Variants in RAD51B observed in about 807,000 individuals in gnomAD.
RAD51B encodes RAD51 paralog B.
In RAD51B, 38 loss-of-function variants were observed where a neutral mutation model predicts 42.2. The ratio of observed to expected loss-of-function variants is 0.90; its 90% CI spans 0.70 to 1.18. RAD51B has a LOEUF of 1.18. Ranked by LOEUF, RAD51B falls within the 50% of genes most tolerant of loss-of-function variation. RAD51B has a pLI of 0.00. For missense variants in RAD51B, 373 were observed against 400.7 expected, an observed-to-expected ratio of 0.93 and a Z score of 0.59; for synonymous variants, 154 against 145.2, an observed-to-expected ratio of 1.06 and a Z score of -0.43.
chr14:68,087,852 A>T (rs1461213462), intron 7 of RAD51B, among the ~76,000 whole-genome samples: 1 of 119,566 alleles, frequency 8.4e-6, no homozygotes, highest in East Asian at 2.1e-4. Context: ...TAATTATTAT[A>T]TATATAATTA....
chr14:67,902,460 A>G (rs566789296), intron 7 of RAD51B, among the ~76,000 whole-genome samples: 1 of 152,328 alleles, frequency 6.6e-6, no homozygotes, highest in South Asian at 2.1e-4. Context: ...TTCTAAGCTC[A>G]GATAATGCAC....
chr14:68,675,470 C>A (rs530350917), intron 11 of RAD51B, among the ~76,000 whole-genome samples: 4 of 152,286 alleles, frequency 2.6e-5, no homozygotes, highest in Admixed American at 6.5e-5. Flanking sequence ...TGGCCCCCAA[C>A]ACAGTAACAC....
At chr14:68,658,106 A>G (rs1183800225) in intron 11 of RAD51B, among the ~76,000 whole-genome samples, 1 of 152,140 alleles carries the variant, frequency 6.6e-6, no homozygotes, top group Admixed American at 6.5e-5. Flanking sequence ...CCACTGCACA[A>G]CTCCGACAGG....
In RAD51B at chr14:68,504,297, A is replaced by G. The variant is rs189257948; in HGVS notation, c.1036+36047A>G. On this transcript the variant is annotated intron_variant, in intron 10 of 10. Transcript: ENST00000487270. ...AGGGGGATCTGAAGGTCTAGGAAAGAAGGTGGGCAAAACCAAGGAATCAGG... is the reference window on the plus strand; with the variant it reads ...AGGGGGATCTGAAGGTCTAGGAAAGGAGGTGGGCAAAACCAAGGAATCAGG... Among the ~76,000 whole-genome samples, 6 of 152,316 alleles carry G rather than the reference A, an allele frequency of 3.9e-5. No homozygotes were observed. The East Asian group carries it at 1.2e-3, about 29-fold the overall frequency.
At chr14:68,443,613 A>C (rs2085352617) in intron 9 of RAD51B, among the ~76,000 whole-genome samples, 1 of 152,170 alleles carries the variant, frequency 6.6e-6, no homozygotes, top group Admixed American at 6.5e-5. Context: ...TTCCATTTTC[A>C]AATGGAAAAT....
intron 7 of RAD51B, among the ~76,000 whole-genome samples, chr14:67,890,449 T>C (rs1370368018): frequency 6.6e-6 from 1 of 151,778 alleles, no homozygotes; most frequent in African/African-American, 2.4e-5. Flanking sequence ...GACTGTAAAC[T>C]TCTTTTTATT....
intron 7 of RAD51B, among the ~76,000 whole-genome samples, chr14:68,126,972 G>T (rs1460686766): frequency 2.6e-5 from 4 of 152,136 alleles, no homozygotes; most frequent in African/African-American, 9.7e-5. Context: ...GGTATACATA[G>T]AACCTTCCAG....
At chr14:68,272,639 ATATATAT>A (rs2081130960) in intron 7 of RAD51B, among the ~76,000 whole-genome samples, 1 of 10,812 alleles carries the variant, frequency 9.2e-5, no homozygotes, top group African/African-American at 4.0e-4. Context: ...AACACTTTAT[ATATATAT>A]ATATATATAT....
At chr14:68,609,677 G>A (rs1406693043) in intron 10 of RAD51B, among the ~76,000 whole-genome samples, 1 of 152,076 alleles carries the variant, frequency 6.6e-6, no homozygotes, top group Admixed American at 6.5e-5. Context: ...TCCTAAAAGG[G>A]CTTCCCTTAG....
chr14:67,847,215 C>G lies in RAD51B; in HGVS notation c.315+12019C>G, dbSNP rs112677943. On this transcript the variant is annotated intron_variant, in intron 4 of 10. Transcript: ENST00000471583. ...GCCAGTCTTCCCAAAGTCCCAGTCA[C>G]TTGGTGGCATGTGTTCCTCCTGGCT... 8.5e-4 allele frequency among the ~76,000 whole-genome samples: 130 copies of G among 152,186 alleles called. 1 individual carries two copies. Among genetic ancestry groups the G allele is most frequent in the African/African-American group, 3.1e-3 (127 of 41,538 alleles).
chr14:68,041,216 T>C (rs561816579), intron 7 of RAD51B, among the ~76,000 whole-genome samples: 25 of 152,308 alleles, frequency 1.6e-4, no homozygotes, highest in African/African-American at 5.8e-4. Context: ...CCTGCCACAG[T>C]TGTAAGTTTC....
Position 68,050,519 on chromosome 14 carries a change from A to C in RAD51B, c.756+163315A>C, listed in dbSNP as rs1426881115. On this transcript the variant is annotated intron_variant, in intron 7 of 10. Transcript: ENST00000471583. Reference sequence around the variant, plus strand: ...TCCTACAGAAAAATATGAAGAAATAAAAGTACCTGAAGAGCCATCACTGTG... The same window carrying C: ...TCCTACAGAAAAATATGAAGAAATACAAGTACCTGAAGAGCCATCACTGTG... 3.9e-5 allele frequency among the ~76,000 whole-genome samples: 6 copies of C among 152,316 alleles called. No homozygotes were observed. The East Asian group carries it at 1.2e-3, about 29-fold the overall frequency.
At chr14:68,052,096 C>G (rs1302433059) in intron 7 of RAD51B, among the ~76,000 whole-genome samples, 1 of 152,140 alleles carries the variant, frequency 6.6e-6, no homozygotes, top group South Asian at 2.1e-4. Flanking sequence ...CTCTGTGTCT[C>G]TTTATCTCAG....
intron 10 of RAD51B, among the ~76,000 whole-genome samples, chr14:68,484,684 G>A (rs936861457): frequency 3.9e-5 from 6 of 152,160 alleles, no homozygotes; most frequent in Admixed American, 3.9e-4. Context: ...TTGGGAAGAG[G>A]AGTCTCAATT....
chr14:67,969,708 A>C (rs1443003468), intron 7 of RAD51B, among the ~76,000 whole-genome samples: 1 of 152,196 alleles, frequency 6.6e-6, no homozygotes, highest in East Asian at 1.9e-4. Flanking sequence ...GAATATAAAT[A>C]ACTAAATATT....
intron 7 of RAD51B, among the ~76,000 whole-genome samples, chr14:68,027,788 A>G (rs1392185653): frequency 1.3e-5 from 2 of 152,180 alleles, no homozygotes; most frequent in African/African-American, 4.8e-5. Flanking sequence ...CTGAATCTAG[A>G]TGAGCTTCCT....
intron 7 of RAD51B, among the ~76,000 whole-genome samples, chr14:68,271,708 C>T (rs1452383792): frequency 6.6e-6 from 1 of 152,046 alleles, no homozygotes; most frequent in African/African-American, 2.4e-5. Flanking sequence ...GGAGAGTGGC[C>T]AGGATTAAAG....
downstream of RAD51B, among the ~76,000 whole-genome samples, chr14:68,600,461 C>T (rs1042059011): frequency 1.3e-5 from 2 of 152,158 alleles, no homozygotes; most frequent in Admixed American, 1.3e-4. Context: ...GGAGCCAGCC[C>T]TCATTATCCA....
At chr14:68,249,260 T>G (rs531649415) in intron 7 of RAD51B, among the ~76,000 whole-genome samples, 74 of 152,328 alleles carry the variant, frequency 4.9e-4, no homozygotes, top group African/African-American at 1.6e-3. Flanking sequence ...GTCTTTCATG[T>G]TGTGAAGAGT....
Sources: gnomAD v4.1 joint callset for allele counts (sites outside exome capture counted in the v4.1 genomes callset) on GRCh38, gnomAD v4.1.1 for gene constraint, MANE v1.5 for transcripts, NCBI Gene and HGNC (gene_info 2026-07-23, HGNC 2026-07-21) for gene names.